Variants in TMEM184B observed in about 807,000 individuals in gnomAD.
TMEM184B encodes transmembrane protein 184B.
In TMEM184B, 17 loss-of-function variants were observed where a neutral mutation model predicts 41.8. The ratio of observed to expected loss-of-function variants is 0.41; its 90% CI spans 0.28 to 0.61. The LOEUF (loss-of-function observed/expected upper bound fraction) is 0.61. TMEM184B is among the 20% of genes least tolerant of loss of function. The pLI, the probability that TMEM184B is intolerant of heterozygous loss-of-function variation, is 0.34. For synonymous variants in TMEM184B, 240 were observed against 229.5 expected (o/e 1.05, Z -0.41); for missense variants, 393 against 557.8 (o/e 0.70, Z 2.98).
At chr22:38,265,596 C>A (rs999659481) in intron 1 of TMEM184B, among the ~76,000 whole-genome samples, 4 of 152,148 alleles carry the variant, frequency 2.6e-5, no homozygotes, top group African/African-American at 9.7e-5. Context: ...GGTTTCAGGG[C>A]AGTTAAAAGG....
At chr22:38,219,181 A>G, downstream of TMEM184B, 2 of 854,192 alleles carry the variant, frequency 2.3e-6, no homozygotes, top group Non-Finnish European at 2.8e-6. Context: ...GAAAGGTTAC[A>G]CACAGGAAGG....
chr22:38,262,297 G>A (rs978674394), intron 1 of TMEM184B, among the ~76,000 whole-genome samples: 2 of 152,228 alleles, frequency 1.3e-5, no homozygotes, highest in African/African-American at 4.8e-5. Context: ...TTGGGTGCAG[G>A]AACCATTGTG....
intron 1 of TMEM184B, among the ~76,000 whole-genome samples, chr22:38,269,164 C>A (rs1337644874): frequency 2.6e-5 from 4 of 152,254 alleles, no homozygotes; most frequent in Non-Finnish European, 5.9e-5. Context: ...CTCTCTGGGT[C>A]ACCAGAACTG....
intron 4 of TMEM184B, among the ~76,000 whole-genome samples, chr22:38,230,956 G>A (rs1275562762): frequency 6.6e-6 from 1 of 152,186 alleles, no homozygotes; most frequent in Non-Finnish European, 1.5e-5. Context: ...ACTGGCCCTG[G>A]GGTGACAAAC....
chr22:38,230,524 A>G, intron 5 of TMEM184B, 145 bp downstream of exon 5: 1 of 753,822 alleles, frequency 1.3e-6, no homozygotes, highest in Non-Finnish European at 2.2e-6. Flanking sequence ...GTATCTGCCT[A>G]ACAGCTTCGG....
At chr22:38,222,140 A>G in intron 8 of TMEM184B, 1 of 206,674 alleles carries the variant, frequency 4.8e-6, no homozygotes, top group Non-Finnish European at 9.8e-6. Flanking sequence ...GTCCCCCACC[A>G]CCGGGGGAAG....
chr22:38,221,867 G>A, intron 8 of TMEM184B, 157 bp from the exon 9 acceptor site: 1 of 1,105,500 alleles, frequency 9.0e-7, no homozygotes, highest in African/African-American at 1.6e-5. Context: ...TCCAGGATAT[G>A]AGAAGGGGCA....
chr22:38,218,456 T>G (rs547986765), downstream of TMEM184B, among the ~76,000 whole-genome samples: 11 of 152,324 alleles, frequency 7.2e-5, no homozygotes, highest in African/African-American at 2.4e-4. Flanking sequence ...GCTGCAGGTT[T>G]TAACACTCCG....
chr22:38,250,357 A>G (rs1200433348), intron 1 of TMEM184B, among the ~76,000 whole-genome samples: 1 of 152,258 alleles, frequency 6.6e-6, no homozygotes, highest in Non-Finnish European at 1.5e-5. Flanking sequence ...CCACATATAC[A>G]TGATCTCTTA....
chr22:38,234,892 A>T (rs1441528081), intron 3 of TMEM184B, among the ~76,000 whole-genome samples: 1 of 152,172 alleles, frequency 6.6e-6, no homozygotes, highest in Non-Finnish European at 1.5e-5. Flanking sequence ...TCCATGCCCG[A>T]ATCTCCTCAT....
chr22:38,246,464 C>A, intron 2 of TMEM184B: 1 of 291,362 alleles, frequency 3.4e-6, no homozygotes, highest in Non-Finnish European at 6.8e-6. Context: ...AGCTCTGGGC[C>A]ATCAGTGTGT....
In TMEM184B at chr22:38,246,103, G is replaced by T; in HGVS notation, c.193-3C>A. 6.2e-7 allele frequency: 1 copy of T among 1,608,036 alleles called. No individual in the cohort carries two copies. Reference sequence around the variant, plus strand: ...TAGCAGCGCAGGTGCATGTAGATCTGGGGGCAGAGGTGTGGGGTCAGCTGG... The same window carrying T: ...TAGCAGCGCAGGTGCATGTAGATCTTGGGGCAGAGGTGTGGGGTCAGCTGG... On this transcript the variant is annotated splice_polypyrimidine_tract_variant and splice_region_variant and intron_variant, in intron 2 of 8. Transcript: ENST00000361906.
chr22:38,246,435 G>A (rs1225117231), intron 2 of TMEM184B, among the ~76,000 whole-genome samples: 1 of 152,214 alleles, frequency 6.6e-6, no homozygotes, highest in Non-Finnish European at 1.5e-5. Flanking sequence ...AAGCTCCCCA[G>A]GGGACCTCAC....
In TMEM184B at chr22:38,239,018, A is replaced by G. The variant is rs544164412; in HGVS notation, c.358+6917T>C. On this transcript the variant is annotated intron_variant, in intron 3 of 8. Transcript: ENST00000361906. The surrounding 1 kb of genome is among the most constrained non-coding windows in gnomAD (Gnocchi z 4.6). Reference sequence around the variant, plus strand: ...TAACAAACAGCAACTGCATAAAGCGACATACGGACACCGCCTCCTGCCTCT... The same window carrying G: ...TAACAAACAGCAACTGCATAAAGCGGCATACGGACACCGCCTCCTGCCTCT... 4.6e-5 allele frequency among the ~76,000 whole-genome samples: 7 copies of G among 152,344 alleles called. No homozygotes were observed. In the East Asian group the frequency reaches 1.4e-3, roughly 29 times the overall value.
At chr22:38,253,019 G>A (rs2092202470) in intron 1 of TMEM184B, among the ~76,000 whole-genome samples, 1 of 152,148 alleles carries the variant, frequency 6.6e-6, no homozygotes, top group Admixed American at 6.5e-5. Context: ...GCAGGCGCCT[G>A]TAGTCCCAGC....
intron 1 of TMEM184B, among the ~76,000 whole-genome samples, chr22:38,260,600 T>G (rs922867309): frequency 6.6e-6 from 1 of 152,108 alleles, no homozygotes; most frequent in Non-Finnish European, 1.5e-5. Flanking sequence ...AACCTCTCCT[T>G]GCCTTAGCTT....
intron 3 of TMEM184B, among the ~76,000 whole-genome samples, chr22:38,242,637 G>T (rs1053987217): frequency 6.6e-5 from 10 of 152,216 alleles, no homozygotes; most frequent in African/African-American, 2.4e-4. Context: ...AGGGTGAGAG[G>T]GGAAATACAA....
At chr22:38,254,483 C>T (rs751561936) in intron 1 of TMEM184B, among the ~76,000 whole-genome samples, 1 of 151,998 alleles carries the variant, frequency 6.6e-6, no homozygotes, top group Non-Finnish European at 1.5e-5. Flanking sequence ...GTCTGTAATC[C>T]CAGCTACTCG....
chr22:38,218,211 T>C (rs894621464), downstream of TMEM184B, among the ~76,000 whole-genome samples: 8 of 152,206 alleles, frequency 5.3e-5, no homozygotes, highest in African/African-American at 1.4e-4. Context: ...TGTCTTGTCC[T>C]AGGCCTCAAA....
Sources: gnomAD v4.1 joint callset for allele counts (sites outside exome capture counted in the v4.1 genomes callset) on GRCh38, gnomAD v4.1.1 for gene constraint, Gnocchi (gnomAD v3.1) non-coding constraint, MANE v1.5 for transcripts, NCBI Gene and HGNC (gene_info 2026-07-23, HGNC 2026-07-21) for gene names.